The following SSBP3 variants were observed in gnomAD, a reference collection of about 807,000 sequenced individuals.
SSBP3 encodes the protein single stranded DNA binding protein 3.
A neutral mutation model predicts 69.6 loss-of-function variants in SSBP3; 5 were observed. That is an observed-to-expected ratio of 0.07 (90% CI 0.04 to 0.15). The LOEUF (loss-of-function observed/expected upper bound fraction) is 0.15, where lower values mean the gene tolerates loss of function less well. Among genes scored for constraint, SSBP3 ranks in the 10% least tolerant of loss-of-function variants. SSBP3 has a pLI of 1.00. For missense variants in SSBP3, 312 were observed against 534.0 expected, an observed-to-expected ratio of 0.58 and a Z score of 4.10; for synonymous variants, 196 against 193.4, an observed-to-expected ratio of 1.01 and a Z score of -0.11.
Position 54,404,819 on chromosome 1 carries a change from G to GGT in SSBP3, c.129+37_129+38dup, listed in dbSNP as rs1491326046. The GGT allele has an allele frequency of 1.1e-4, 115 of 1,079,802 alleles. No individual in the cohort carries two copies. In the South Asian group the frequency reaches 1.2e-3, roughly 11 times the overall value. The allele number at this position is 1,079,802 out of a possible 1,614,324, so 66.9% of individuals were successfully genotyped here. A position where few individuals can be genotyped will look rare whatever the true frequency, so the allele number is the denominator to read the frequency against. ...GGCTCTAAGAATAGTGGGGGGGGGGGGTGTCAAGAAATTGGATGCTGGGGG... is the reference window on the plus strand; with the variant it reads ...GGCTCTAAGAATAGTGGGGGGGGGGGGTGTGTCAAGAAATTGGATGCTGGGGG... On this transcript the variant is annotated intron_variant, in intron 2 of 17. Transcript: ENST00000610401.
intron 4 of SSBP3, among the ~76,000 whole-genome samples, chr1:54,350,429 C>T (rs1173193207): frequency 6.6e-6 from 1 of 152,198 alleles, no homozygotes; most frequent in Non-Finnish European, 1.5e-5. Flanking sequence ...CACAAGGCAG[C>T]CCTGCAAAGC....
intron 4 of SSBP3, among the ~76,000 whole-genome samples, chr1:54,329,727 C>T (rs764646558): frequency 3.9e-4 from 59 of 152,186 alleles, no homozygotes; most frequent in Non-Finnish European, 7.8e-4. Flanking sequence ...GAGCCCCCAG[C>T]TTCTTGGGAA....
intron 5 of SSBP3, among the ~76,000 whole-genome samples, chr1:54,278,695 C>T (rs1645335606): frequency 6.6e-6 from 1 of 152,228 alleles, no homozygotes; most frequent in Non-Finnish European, 1.5e-5. Context: ...GCTGGCCACC[C>T]TAGGCCAGGG....
At chr1:54,357,992 G>A (rs1646894703) in intron 4 of SSBP3, among the ~76,000 whole-genome samples, 1 of 152,196 alleles carries the variant, frequency 6.6e-6, no homozygotes, top group Non-Finnish European at 1.5e-5. Flanking sequence ...TCTTACAGAA[G>A]GGTCTCCTTC....
intron 5 of SSBP3, among the ~76,000 whole-genome samples, chr1:54,262,515 G>A (rs966673932): frequency 6.6e-6 from 1 of 152,200 alleles, no homozygotes; most frequent in Non-Finnish European, 1.5e-5. Flanking sequence ...CCAGCCCCAT[G>A]CTGGGGTCTG....
chr1:54,263,735 C>A (rs1645054631), intron 5 of SSBP3, among the ~76,000 whole-genome samples: 1 of 152,220 alleles, frequency 6.6e-6, no homozygotes, highest in African/African-American at 2.4e-5. Flanking sequence ...CCCCTCCAGG[C>A]CAGGCCACTC....
chr1:54,400,980 T>C (rs769063799), intron 4 of SSBP3, among the ~76,000 whole-genome samples: 1 of 152,198 alleles, frequency 6.6e-6, no homozygotes, highest in Non-Finnish European at 1.5e-5. Context: ...GATCACCTGC[T>C]ATATGGACAT....
At chr1:54,395,732 G>A (rs777713175) in intron 4 of SSBP3, among the ~76,000 whole-genome samples, 8 of 152,160 alleles carry the variant, frequency 5.3e-5, no homozygotes, top group Non-Finnish European at 8.8e-5. Flanking sequence ...GATCCCTGAC[G>A]ATTTCCAGCC....
chr1:54,317,407 G>C (rs2100342955), intron 4 of SSBP3, among the ~76,000 whole-genome samples: 1 of 152,086 alleles, frequency 6.6e-6, no homozygotes, highest in East Asian at 1.9e-4. Flanking sequence ...TGTGGTGGCA[G>C]GCGCCTGTGA....
At chr1:54,407,473 A>G (rs888918196), upstream of SSBP3, among the ~76,000 whole-genome samples, 1 of 152,118 alleles carries the variant, frequency 6.6e-6, no homozygotes, top group African/African-American at 2.4e-5. Flanking sequence ...AGAGTGACCC[A>G]GCTATTTGCT....
At chr1:54,353,990 C>A (rs887109831) in intron 4 of SSBP3, among the ~76,000 whole-genome samples, 1 of 152,138 alleles carries the variant, frequency 6.6e-6, no homozygotes, top group African/African-American at 2.4e-5. Flanking sequence ...GACTAGAAAC[C>A]GAACTGGACC....
intron 5 of SSBP3, among the ~76,000 whole-genome samples, chr1:54,275,433 T>C (rs1274041608): frequency 1.3e-5 from 2 of 152,256 alleles, no homozygotes; most frequent in Admixed American, 1.3e-4. Context: ...GCAGCAGCTT[T>C]CTGGCAGGAG....
chr1:54,246,214 A>C (rs1644731582), intron 9 of SSBP3, among the ~76,000 whole-genome samples: 1 of 152,346 alleles, frequency 6.6e-6, no homozygotes, highest in South Asian at 2.1e-4. Flanking sequence ...CGTCAGCAGC[A>C]GAACAAACAC....
chr1:54,332,200 G>T (rs570087735), intron 4 of SSBP3, among the ~76,000 whole-genome samples: 45 of 152,300 alleles, frequency 3.0e-4, no homozygotes, highest in African/African-American at 1.0e-3. Flanking sequence ...GGAGGCAAGG[G>T]GGGTGGCAAA....
At chr1:54,357,611 A>G (rs1646889403) in intron 4 of SSBP3, among the ~76,000 whole-genome samples, 1 of 152,172 alleles carries the variant, frequency 6.6e-6, no homozygotes, top group Non-Finnish European at 1.5e-5. Flanking sequence ...TTAAAGTCCT[A>G]ATGTCCTAAG....
Position 54,246,487 on chromosome 1 carries a change from A to G in SSBP3, c.652-3188T>C, listed in dbSNP as rs1353622259. On this transcript the variant is annotated intron_variant, in intron 9 of 17. Transcript: ENST00000610401. ...CTCAGAACAAGAGCAGAAGCCTGGT[A>G]TGTCTCAGCACGGAGTGGGGTGAGA... Among the ~76,000 whole-genome samples, 5 of 152,198 alleles carry G rather than the reference A, an allele frequency of 3.3e-5. No individual in the cohort carries two copies. The East Asian group carries it at 9.6e-4, about 29-fold the overall frequency.
chr1:54,316,435 C>A (rs1382094481), intron 4 of SSBP3, among the ~76,000 whole-genome samples: 2 of 147,982 alleles, frequency 1.4e-5, no homozygotes, highest in Admixed American at 6.7e-5. Flanking sequence ...GTCAGGAGAT[C>A]GAGACCATCC....
intron 5 of SSBP3, among the ~76,000 whole-genome samples, chr1:54,267,562 G>C (rs1330841522): frequency 6.6e-6 from 1 of 152,200 alleles, no homozygotes; most frequent in African/African-American, 2.4e-5. Flanking sequence ...TCTCCTGGCA[G>C]AGAAGAAAAG....
At chr1:54,261,965 C>A (rs952602962) in intron 5 of SSBP3, among the ~76,000 whole-genome samples, 3 of 152,154 alleles carry the variant, frequency 2.0e-5, no homozygotes, top group Non-Finnish European at 4.4e-5. Context: ...AGAGGTGTGA[C>A]CTCTCCAAGA....
Sources: allele counts gnomAD v4.1 joint callset (sites outside exome capture counted in the v4.1 genomes callset), GRCh38; gene constraint gnomAD v4.1.1; transcripts MANE v1.5; gene names NCBI Gene and HGNC (gene_info 2026-07-23, HGNC 2026-07-21).